RAB37: variants seen among roughly 807,000 people sequenced by gnomAD.
The protein encoded by RAB37 is ras-related protein Rab-37.
A neutral mutation model predicts 33.1 loss-of-function variants in RAB37; 29 were observed. That is an observed-to-expected ratio of 0.88 (90% confidence interval 0.65 to 1.20). The LOEUF is 1.20. Ranked by LOEUF, RAB37 falls within the 50% of genes most tolerant of loss-of-function variation. The probability of loss-of-function intolerance (pLI) is 0.00; values close to 1 mark genes in which losing one functional copy is unlikely to be tolerated. For missense variants in RAB37, 299 were observed against 301.1 expected (o/e 0.99, Z 0.05); for synonymous variants, 128 against 119.5 (o/e 1.07, Z -0.47).
chr17:74,708,949 G>T (rs569535411), intron 1 of RAB37, among the ~76,000 whole-genome samples: 1 of 149,844 alleles, frequency 6.7e-6, no homozygotes, highest in South Asian at 2.1e-4. Flanking sequence ...AGGAGGCCAG[G>T]CACGGTGGTT....
rs1386518680 is a variant in RAB37, at chr17:74,738,094, C to T, written c.93+729C>T. Among the ~76,000 whole-genome samples the T allele has an allele frequency of 1.3e-5, 2 of 152,166 alleles. No individual in the cohort carries two copies. Among genetic ancestry groups the T allele is most frequent in the African/African-American group, 2.4e-5 (1 of 41,414 alleles). ...TAGGGACAGCAGTGGACTGGTCTGT[C>T]GCCTTCCATCTGTGTCCTTGGAGTG... On this transcript the variant is annotated intron_variant, in intron 1 of 8. Transcript: ENST00000392613. This position sits in a 1 kb window ranked among gnomAD's most constrained non-coding sequence, Gnocchi z 5.0.
At chr17:74,691,608 G>A (rs2032158153) in intron 1 of RAB37, among the ~76,000 whole-genome samples, 1 of 152,130 alleles carries the variant, frequency 6.6e-6, no homozygotes. Context: ...AATTCCTCCA[G>A]CCAAGCCAAA....
chr17:74,731,156 T>C (rs146473472), intron 2 of RAB37, among the ~76,000 whole-genome samples: 1 of 152,156 alleles, frequency 6.6e-6, no homozygotes, highest in Non-Finnish European at 1.5e-5. Flanking sequence ...CCTCCAGATA[T>C]CAGCGGTCTG....
In RAB37 at chr17:74,742,396, C is replaced by A; in HGVS notation, c.246+101C>A. 1.1e-6 allele frequency: 1 copy of A among 920,002 alleles called. No homozygotes were observed. The allele number at this position is 920,002 out of a possible 1,614,324, so 57.0% of individuals were successfully genotyped here. Reference sequence around the variant, plus strand: ...CTGCAGCCCTGCCCTCCGCCTGGGGCAATTTCCTGTGGGGCCCACGGGAGG... The same window carrying A: ...CTGCAGCCCTGCCCTCCGCCTGGGGAAATTTCCTGTGGGGCCCACGGGAGG... On this transcript the variant is annotated intron_variant, in intron 3 of 8. Transcript: ENST00000392613. The surrounding 1 kb of genome is among the most constrained non-coding windows in gnomAD (Gnocchi z 4.0).
At chr17:74,739,661 C>G (rs1247991717) in intron 1 of RAB37, among the ~76,000 whole-genome samples, 2 of 151,028 alleles carry the variant, frequency 1.3e-5, no homozygotes, top group East Asian at 2.0e-4. Flanking sequence ...TCCCAAGTAA[C>G]TGGGACTACA....
At chr17:74,695,157 C>A in intron 1 of RAB37, 1 of 1,614,170 alleles carries the variant, frequency 6.2e-7, no homozygotes, top group South Asian at 1.1e-5. Flanking sequence ...GGGGAGGTGG[C>A]TACTGAGGTG....
rs191402506 is a variant in RAB37, at chr17:74,676,449, C to T, written c.72+4791C>T. Reference sequence around the variant, plus strand: ...TCTTCCAAAGTATGTCCATTTCCTCCGACTGCTCTAACACCTCTTCTGGGT... The same window carrying T: ...TCTTCCAAAGTATGTCCATTTCCTCTGACTGCTCTAACACCTCTTCTGGGT... On this transcript the variant is annotated intron_variant, in intron 1 of 7. Coordinates refer to the RAB37 transcript ENST00000340415. The surrounding 1 kb of genome is among the most constrained non-coding windows in gnomAD (Gnocchi z 4.1). Among the ~76,000 whole-genome samples the T allele has an allele frequency of 2.3e-4, 35 of 152,240 alleles. No homozygotes were observed. The East Asian group carries it at 3.3e-3, about 14-fold the overall frequency.
intron 1 of RAB37, among the ~76,000 whole-genome samples, chr17:74,727,223 T>G (rs2034317030): frequency 6.6e-6 from 1 of 152,260 alleles, no homozygotes; most frequent in Non-Finnish European, 1.5e-5. Context: ...ACTGGATTTT[T>G]GGGGCTCTCC....
upstream of RAB37, among the ~76,000 whole-genome samples, chr17:74,735,257 A>C (rs920493647): frequency 2.6e-5 from 4 of 152,050 alleles, no homozygotes; most frequent in South Asian, 4.1e-4. Context: ...ACCGCATACC[A>C]GGCCAGGTGC....
At chr17:74,734,321 G>C (rs1366122029), upstream of RAB37, among the ~76,000 whole-genome samples, 1 of 152,176 alleles carries the variant, frequency 6.6e-6, no homozygotes, top group Non-Finnish European at 1.5e-5. Context: ...GGTCATACTG[G>C]ATTAATGGCC....
At chr17:74,720,267 A>G (rs952561034) in intron 1 of RAB37, among the ~76,000 whole-genome samples, 4 of 152,198 alleles carry the variant, frequency 2.6e-5, no homozygotes, top group African/African-American at 9.7e-5. Flanking sequence ...GCCCCACGGC[A>G]GCATGAAGGG....
intron 1 of RAB37, among the ~76,000 whole-genome samples, chr17:74,707,169 A>G (rs996424272): frequency 2.0e-5 from 3 of 152,258 alleles, no homozygotes; most frequent in African/African-American, 7.2e-5. Context: ...CTGCACAGCA[A>G]AGGAAACAAC....
At chr17:74,728,285 T>G (rs1167028014) in intron 1 of RAB37, among the ~76,000 whole-genome samples, 2 of 152,142 alleles carry the variant, frequency 1.3e-5, no homozygotes, top group Non-Finnish European at 2.9e-5. Context: ...TCTGTGTGCA[T>G]GTGTGTGTTC....
rs142722105 is a variant in RAB37, at chr17:74,729,290, C to T, written c.107C>T (p.Thr36Met). 111 of 1,613,908 alleles carry T rather than the reference C, an allele frequency of 6.9e-5. 1 individual carries two copies. The African/African-American group carries it at 1.1e-3, about 16-fold the overall frequency. Reference sequence around the variant, plus strand: ...GTGGGTGACAGTGGTGTGGGAAAGACGTCTCTGCTGGTTCAGTTCGATCAG... The same window carrying T: ...GTGGGTGACAGTGGTGTGGGAAAGATGTCTCTGCTGGTTCAGTTCGATCAG... The change falls in exon 2 of 8, where the codon ACG (threonine) becomes ATG (methionine). Residue 36 changes from threonine (T) to methionine (M), a missense_variant. Physicochemically the swap from Thr to Met is moderately conservative, Grantham distance 81. Transcript: ENST00000340415. This position sits in a 1 kb window ranked among gnomAD's most constrained non-coding sequence, Gnocchi z 4.2.
chr17:74,721,179 A>G (rs941600199), intron 1 of RAB37, among the ~76,000 whole-genome samples: 2 of 152,178 alleles, frequency 1.3e-5, no homozygotes, highest in Non-Finnish European at 2.9e-5. Flanking sequence ...GAAAACAGGA[A>G]TGCATGTTCT....
intron 1 of RAB37, among the ~76,000 whole-genome samples, chr17:74,706,856 G>A (rs1318530642): frequency 2.0e-5 from 3 of 152,194 alleles, no homozygotes; most frequent in Non-Finnish European, 4.4e-5. Flanking sequence ...GGGGAAAGAA[G>A]CGGGCCCTGT....
At position 74,729,035 on chromosome 17, in the gene RAB37, A is replaced by G. The variant is rs1175866622; in HGVS notation, c.73-221A>G. ...GTGTGTATGTGTGTTCTGTGTGTGC[A>G]TATATGTTTGTGTGTGCATGGGTGT... On this transcript the variant is annotated intron_variant, in intron 1 of 7. Coordinates refer to the RAB37 transcript ENST00000340415. This position sits in a 1 kb window ranked among gnomAD's most constrained non-coding sequence, Gnocchi z 4.2. Among the ~76,000 whole-genome samples the G allele has an allele frequency of 2.0e-5, 3 of 149,390 alleles. No individual in the cohort carries two copies. The highest frequency in any genetic ancestry group is 6.6e-5 in the Admixed American group (1 of 15,084).
upstream of RAB37, among the ~76,000 whole-genome samples, chr17:74,732,705 G>GTAT (rs1235106950): frequency 5.4e-5 from 3 of 55,492 alleles, no homozygotes; most frequent in African/African-American, 1.9e-4. Flanking sequence ...TGATTTGAGG[G>GTAT]GTGTGTGGTG....
chr17:74,682,829 G>A (rs1013296943), intron 1 of RAB37, among the ~76,000 whole-genome samples: 4 of 152,156 alleles, frequency 2.6e-5, no homozygotes, highest in African/African-American at 9.6e-5. Context: ...ACTTGAACCC[G>A]GGAGGCGGAG....
Sources: gnomAD v4.1 joint callset for allele counts (sites outside exome capture counted in the v4.1 genomes callset) on GRCh38, gnomAD v4.1.1 for gene constraint, Gnocchi (gnomAD v3.1) non-coding constraint, MANE v1.5 for transcripts, NCBI Gene and HGNC (gene_info 2026-07-23, HGNC 2026-07-21) for gene names.